Variants in RAB8B observed in about 807,000 individuals in gnomAD.
RAB8B encodes RAB8B, member RAS oncogene family.
A neutral mutation model predicts 32.0 loss-of-function variants in RAB8B; 11 were observed. The observed-to-expected ratio is 0.34, with a 90% CI of 0.22 to 0.57. RAB8B has a LOEUF of 0.57. Ranked by LOEUF, RAB8B falls within the 20% of genes least tolerant of loss-of-function variation. RAB8B has a pLI of 0.86. For synonymous variants in RAB8B, 103 were observed against 89.6 expected (o/e 1.15, Z -0.85); for missense variants, 190 against 258.5 (o/e 0.73, Z 1.82).
chr15:63,243,424 A>G (rs185344034), intron 1 of RAB8B, among the ~76,000 whole-genome samples: 1 of 152,244 alleles, frequency 6.6e-6, no homozygotes, highest in Admixed American at 6.5e-5. Context: ...CAGAAAGCTT[A>G]TTCCTGATAT....
intron 1 of RAB8B, among the ~76,000 whole-genome samples, chr15:63,240,051 C>A (rs2038019474): frequency 6.6e-6 from 1 of 151,974 alleles, no homozygotes; most frequent in Non-Finnish European, 1.5e-5. Context: ...ATGGGGCCCA[C>A]TGAGAGAAGC....
chr15:63,242,060 G>A (rs1348917440), intron 1 of RAB8B, among the ~76,000 whole-genome samples: 1 of 150,578 alleles, frequency 6.6e-6, no homozygotes, highest in Non-Finnish European at 1.5e-5. Context: ...AGTAATTGCG[G>A]TTTTTGCCAT....
At chr15:63,211,673 C>T (rs986955707) in intron 1 of RAB8B, among the ~76,000 whole-genome samples, 3 of 151,916 alleles carry the variant, frequency 2.0e-5, no homozygotes, top group African/African-American at 7.3e-5. Context: ...ATTTTTTTTG[C>T]CAAGCACCGC....
intron 2 of RAB8B, among the ~76,000 whole-genome samples, chr15:63,247,272 A>G (rs2038079564): frequency 1.3e-5 from 2 of 152,180 alleles, no homozygotes; most frequent in Non-Finnish European, 2.9e-5. Context: ...TCTAAATACC[A>G]TCACATTGAG....
At chr15:63,195,139 G>A (rs2037590178) in intron 1 of RAB8B, among the ~76,000 whole-genome samples, 1 of 152,134 alleles carries the variant, frequency 6.6e-6, no homozygotes, top group African/African-American at 2.4e-5. Context: ...CAAGGAACAT[G>A]CAAGTTCATA....
At chr15:63,207,444 T>C (rs1046169256) in intron 1 of RAB8B, among the ~76,000 whole-genome samples, 1 of 152,290 alleles carries the variant, frequency 6.6e-6, no homozygotes, top group South Asian at 2.1e-4. Flanking sequence ...ATTTCCTCTT[T>C]TTATCTAGTA....
intron 1 of RAB8B, among the ~76,000 whole-genome samples, chr15:63,235,579 A>G (rs2037971322): frequency 6.6e-6 from 1 of 151,712 alleles, no homozygotes; most frequent in South Asian, 2.1e-4. Flanking sequence ...ATTTCTCTCT[A>G]GAGGTAACAT....
chr15:63,200,067 G>A (rs2037634929), intron 1 of RAB8B, among the ~76,000 whole-genome samples: 1 of 152,170 alleles, frequency 6.6e-6, no homozygotes, highest in African/African-American at 2.4e-5. Flanking sequence ...CATCAGACTA[G>A]ACTTTTCTGA....
At chr15:63,249,920 A>G (rs954601543) in intron 3 of RAB8B, among the ~76,000 whole-genome samples, 16 of 151,504 alleles carry the variant, frequency 1.1e-4, no homozygotes, top group Non-Finnish European at 2.4e-4. Flanking sequence ...GTGGATCATG[A>G]GGTCAGGAGA....
intron 1 of RAB8B, among the ~76,000 whole-genome samples, chr15:63,243,422 T>C (rs1182119508): frequency 6.6e-6 from 1 of 152,234 alleles, no homozygotes; most frequent in Admixed American, 6.5e-5. Flanking sequence ...CTCAGAAAGC[T>C]TATTCCTGAT....
intron 1 of RAB8B, among the ~76,000 whole-genome samples, chr15:63,212,181 T>C (rs910155783): frequency 2.0e-5 from 3 of 152,256 alleles, no homozygotes; most frequent in South Asian, 2.1e-4. Context: ...TCCTCCTGAA[T>C]TGATGTAGAG....
intron 2 of RAB8B, among the ~76,000 whole-genome samples, chr15:63,245,799 C>T (rs2038065976): frequency 6.6e-6 from 1 of 152,202 alleles, no homozygotes; most frequent in Non-Finnish European, 1.5e-5. Context: ...GGACCCAAGT[C>T]TAAACACGAA....
intron 1 of RAB8B, among the ~76,000 whole-genome samples, chr15:63,209,557 C>T (rs1487567971): frequency 6.6e-6 from 1 of 152,012 alleles, no homozygotes; most frequent in East Asian, 1.9e-4. Flanking sequence ...CACCACTGCA[C>T]TCCAGCCTGG....
In RAB8B at chr15:63,267,011, T is replaced by C. The variant is rs530870298; in HGVS notation, c.*3392T>C. 1 of 152,718 alleles carries C rather than the reference T, an allele frequency of 6.5e-6. No individual in the cohort carries two copies. The highest frequency in any genetic ancestry group is 1.9e-4 in the East Asian group (1 of 5,186). 9.5% of individuals were successfully genotyped at this position (152,718 alleles called of 1,614,324 possible). On this transcript the variant is annotated 3_prime_UTR_variant, in exon 8 of 8. Coordinates refer to ENST00000321437, the MANE Select transcript of RAB8B (RefSeq NM_016530.3). The stretch of plus-strand genomic sequence containing the variant: ...TCTGCAATCAGGTTTCTCAGAATTT[T>C]TTTTTTTTAAACAGAAGAGACATTC...
chr15:63,203,062 G>A (rs1387717155), intron 1 of RAB8B, among the ~76,000 whole-genome samples: 3 of 152,226 alleles, frequency 2.0e-5, no homozygotes, highest in Admixed American at 6.5e-5. Context: ...TTGGAGGCAG[G>A]CCACCAACAT....
chr15:63,238,851 G>A (rs914051441), intron 1 of RAB8B, among the ~76,000 whole-genome samples: 2 of 152,280 alleles, frequency 1.3e-5, no homozygotes, highest in South Asian at 4.2e-4. Flanking sequence ...CAGGAATTCA[G>A]CCTTAGCCTG....
chr15:63,256,681 TA>T, intron 5 of RAB8B, 87 bp downstream of exon 5: 1 of 1,019,376 alleles, frequency 9.8e-7, no homozygotes, highest in Non-Finnish European at 1.4e-6. Context: ...TGATTTTTTT[TA>T]AAATCTGTGT....
intron 1 of RAB8B, among the ~76,000 whole-genome samples, chr15:63,207,666 T>C (rs1191645558): frequency 6.6e-6 from 1 of 152,034 alleles, no homozygotes; most frequent in Non-Finnish European, 1.5e-5. Context: ...TTCAAGCGAT[T>C]CCCTTGCCTC....
At chr15:63,246,596 C>T (rs2038074332) in intron 2 of RAB8B, among the ~76,000 whole-genome samples, 1 of 152,204 alleles carries the variant, frequency 6.6e-6, no homozygotes, top group Non-Finnish European at 1.5e-5. Context: ...GGGTCATCTA[C>T]TCTCCAAGAA....
Sources: gnomAD v4.1 joint callset for allele counts (sites outside exome capture counted in the v4.1 genomes callset) on GRCh38, gnomAD v4.1.1 for gene constraint, MANE v1.5 for transcripts, NCBI Gene and HGNC (gene_info 2026-07-23, HGNC 2026-07-21) for gene names.